LRP2: variants seen among roughly 807,000 people sequenced by gnomAD.
LRP2 encodes low-density lipoprotein receptor-related protein 2.
A neutral mutation model predicts 531.0 loss-of-function variants in LRP2; 172 were observed. The observed-to-expected ratio is 0.32, with a 90% CI of 0.29 to 0.37. LRP2 has a LOEUF of 0.37. LRP2 is among the 10% of genes least tolerant of loss of function. LRP2 has a pLI of 1.00. For synonymous variants in LRP2, 1,992 were observed against 2,027.6 expected (o/e 0.98, Z 0.47); for missense variants, 5,167 against 5,868.3 (o/e 0.88, Z 3.90).
Position 169,142,665 on chromosome 2 carries a change from T to C in LRP2, c.13108+9A>G, listed in dbSNP as rs780256018. 1.4e-5 allele frequency: 23 copies of C among 1,613,530 alleles called. No individual in the cohort carries two copies. Among genetic ancestry groups the C allele is most frequent in the Non-Finnish European group, 1.9e-5 (22 of 1,179,718 alleles). ...CAGGCCCCCATAGCTGCTTGGGCAG[T>C]GCTCCTACCTGCATCACACTCAGTG... On this transcript the variant is annotated intron_variant, in intron 71 of 78. Transcript: ENST00000649046.
chr2:169,327,635 A>C (rs1461249647), intron 1 of LRP2, among the ~76,000 whole-genome samples: 1 of 86,584 alleles, frequency 1.2e-5, no homozygotes, highest in African/African-American at 4.8e-5. Flanking sequence ...CTGCCGGGCC[A>C]GCCACCCCGT....
At chr2:169,303,323 T>C (rs1039928259) in intron 4 of LRP2, among the ~76,000 whole-genome samples, 3 of 152,358 alleles carry the variant, frequency 2.0e-5, no homozygotes, top group South Asian at 4.1e-4. Context: ...CACAGGCATA[T>C]GGTTTAGACC....
chr2:169,292,064 T>A lies in LRP2; in HGVS notation c.769+189A>T, dbSNP rs149365111. ...TAATCTGTATTTGTGTTCTGAATCT[T>A]CTTAGGAGAAGTTAGCGCAGTCACC... On this transcript the variant is annotated intron_variant, in intron 7 of 78. Coordinates refer to ENST00000649046, the MANE Select transcript of LRP2 (RefSeq NM_004525.3). 2.6e-3 allele frequency among the ~76,000 whole-genome samples: 401 copies of A among 152,254 alleles called. 1 individual carries two copies. Among genetic ancestry groups the A allele is most frequent in the African/African-American group, 9.1e-3 (379 of 41,536 alleles).
intron 4 of LRP2, among the ~76,000 whole-genome samples, chr2:169,295,628 T>C (rs1328779436): frequency 6.6e-6 from 1 of 152,184 alleles, no homozygotes; most frequent in Non-Finnish European, 1.5e-5. Context: ...GGATCCTGTC[T>C]TACTCATTTT....
intron 25 of LRP2, among the ~76,000 whole-genome samples, chr2:169,240,371 C>T (rs1689761052): frequency 6.6e-6 from 1 of 152,190 alleles, no homozygotes; most frequent in Non-Finnish European, 1.5e-5. Context: ...TCCATGTGTA[C>T]TCTAACATAT....
In LRP2 at chr2:169,204,356, C is replaced by T. The variant is rs1019807576; in HGVS notation, c.7716-85G>A. On this transcript the variant is annotated intron_variant, in intron 41 of 78. Coordinates refer to ENST00000649046, the MANE Select transcript of LRP2 (RefSeq NM_004525.3). ...TGGCAGCCCAATGCATGCGCCTCAT[C>T]ATTGTTTACACAAGCTGCAAACTTT... is the stretch of plus-strand genomic sequence containing the variant. 99 of 1,250,798 alleles carry T rather than the reference C, an allele frequency of 7.9e-5. No individual in the cohort carries two copies. In the African/African-American group the frequency reaches 1.3e-3, roughly 16 times the overall value. The allele number at this position is 1,250,798 out of a possible 1,614,324, so 77.5% of individuals were successfully genotyped here. A position where few individuals can be genotyped will look rare whatever the true frequency, so the allele number is the denominator to read the frequency against.
Position 169,209,532 on chromosome 2 carries a change from A to C in LRP2, c.6390T>G (p.Asp2130Glu). Residue 2130 changes from aspartate to glutamate, a missense_variant, in exon 38 of 79, where the codon GAT becomes GAG. By Grantham distance (45) the Asp-to-Glu change is conservative. This residue lies in a region of LRP2 where 2,811 missense variants were observed against 3,058.0 expected (regional missense o/e 0.92). Transcript: ENST00000649046. ...SDNAIRRIKPDGSSLMNIVTH... is the reference protein window; with the variant it reads ...SDNAIRRIKPEGSSLMNIVTH... Reference sequence around the variant, plus strand: ...TCACAATGTTCATCAGAGAAGATCCATCTGGTTTAATTCTACGGATCGCAT... The same window carrying C: ...TCACAATGTTCATCAGAGAAGATCCCTCTGGTTTAATTCTACGGATCGCAT... 6.2e-7 allele frequency: 1 copy of C among 1,614,148 alleles called. No individual in the cohort carries two copies. Among genetic ancestry groups the C allele is most frequent in the Non-Finnish European group, 8.5e-7 (1 of 1,179,986 alleles).
chr2:169,131,443 A>G (rs1290835159), intron 77 of LRP2, among the ~76,000 whole-genome samples: 3 of 152,242 alleles, frequency 2.0e-5, no homozygotes, highest in African/African-American at 7.2e-5. Context: ...CAAGTTACCA[A>G]GATATCAATG....
At chr2:169,277,676 T>C (rs990043492) in intron 13 of LRP2, 69 bp downstream of exon 13, 1 of 1,368,198 alleles carries the variant, frequency 7.3e-7, no homozygotes. Flanking sequence ...CTTTGATATT[T>C]CTCTGCAGCC....
chr2:169,148,085 G>A (rs1167212232), intron 68 of LRP2, among the ~76,000 whole-genome samples: 2 of 152,250 alleles, frequency 1.3e-5, no homozygotes, highest in Non-Finnish European at 2.9e-5. Flanking sequence ...ACTGACGAAT[G>A]TGTGGATTTT....
rs745739283 is a variant in LRP2 at position 169,174,674 on chromosome 2, A to C, written c.10769-510T>G. Among the ~76,000 whole-genome samples the C allele has an allele frequency of 3.4e-4, 51 of 152,142 alleles. No individual in the cohort carries two copies. In the Middle Eastern group the frequency reaches 0.017, roughly 51 times the overall value. On this transcript the variant is annotated intron_variant, in intron 55 of 78. Transcript: ENST00000649046. ...CAGGCACATGCCACCATGCCAGGCT[A>C]ATTTTTTGTATTTTTTGTAGAGACA...
intron 7 of LRP2, among the ~76,000 whole-genome samples, chr2:169,291,501 C>G (rs1056350136): frequency 1.3e-5 from 2 of 152,172 alleles, no homozygotes; most frequent in South Asian, 4.1e-4. Flanking sequence ...AAGCATTTCC[C>G]TTATCATACC....
chr2:169,223,560 A>G (rs1689091036), intron 33 of LRP2, among the ~76,000 whole-genome samples: 1 of 152,100 alleles, frequency 6.6e-6, no homozygotes, highest in African/African-American at 2.4e-5. Context: ...ATCATGAAAA[A>G]TATTTTCTGC....
chr2:169,279,711 T>G, intron 11 of LRP2, 116 bp from the exon 12 acceptor site: 1 of 658,792 alleles, frequency 1.5e-6, no homozygotes, highest in South Asian at 1.8e-5. Flanking sequence ...TTCTCAATTT[T>G]CAGAAATTTC....
intron 1 of LRP2, among the ~76,000 whole-genome samples, chr2:169,327,744 C>T (rs1377000832): frequency 1.9e-4 from 23 of 121,450 alleles, no homozygotes; most frequent in South Asian, 6.0e-4. Context: ...CCGCCCCGTC[C>T]GGGAGGGAGG....
At position 169,206,459 on chromosome 2, in the gene LRP2, C is replaced by G. The variant is rs138673723; in HGVS notation, c.7261G>C (p.Val2421Leu). Residue 2421 changes from valine (V) to leucine (L), a missense_variant, in exon 39 of 79, where the codon GTC (valine) becomes CTC (leucine). By Grantham distance (32) the Val-to-Leu change is conservative. Around this residue, in one of 6 missense-constraint regions of LRP2, gnomAD observed 2,811 missense variants for 3,058.0 expected, o/e 0.92. Coordinates refer to ENST00000649046, the MANE Select transcript of LRP2 (RefSeq NM_004525.3). ...ACACTGTCATAGTCTAGAGACATGA[C>G]AGTTCTTTCCACATTTATTGTTTGG... is the stretch of plus-strand genomic sequence containing the variant. ...PFQTINVERT[V>L]MSLDYDSVSD... 1 of 1,614,154 alleles carries G rather than the reference C, an allele frequency of 6.2e-7. No individual in the cohort carries two copies. Among genetic ancestry groups the G allele is most frequent in the South Asian group, 1.1e-5 (1 of 91,078 alleles).
chr2:169,259,749 A>C (rs200403460), intron 16 of LRP2, among the ~76,000 whole-genome samples: 26,295 of 141,242 alleles, frequency 0.19, 2,637 homozygotes, highest in East Asian at 0.44. Flanking sequence ...CAACAACAAA[A>C]AAAAAAAAAC....
rs139514301 is a variant in LRP2, at chr2:169,204,121, G to A, written c.7866C>T (p.Asp2622=). The change falls in exon 42 of 79, where the codon GAC becomes GAT. Residue 2622 remains aspartate (D), a synonymous_variant. Transcript: ENST00000649046. ...TGGTCATTGCAATCTGACCTGACCC[G>A]TCATATTTGTTAGCTCGGTAAATTC... ...TQRIYRANKY[D]GSGQIAMTTN... is the part of the protein sequence containing the mutation. The A allele has an allele frequency of 7.3e-4, 1,173 of 1,614,106 alleles. No individual in the cohort carries two copies. The highest frequency in any genetic ancestry group is 9.1e-4 in the Non-Finnish European group (1,077 of 1,180,014).
At chr2:169,296,076 T>C (rs1445549900) in intron 4 of LRP2, among the ~76,000 whole-genome samples, 1 of 150,482 alleles carries the variant, frequency 6.6e-6, no homozygotes, top group African/African-American at 2.5e-5. Flanking sequence ...CAAAATTCTG[T>C]GCTGAAACTG....
Sources: gnomAD v4.1 joint callset for allele counts (sites outside exome capture counted in the v4.1 genomes callset) on GRCh38, gnomAD v4.1.1 for gene constraint, gnomAD v4.1.1 regional missense constraint, MANE v1.5 for transcripts, NCBI Gene and HGNC (gene_info 2026-07-23, HGNC 2026-07-21) for gene names.